The following PRMT5 variants were observed in gnomAD, a reference collection of about 807,000 sequenced individuals.
The protein encoded by PRMT5 is protein arginine methyltransferase 5, also known as protein arginine N-methyltransferase 5.
In PRMT5, 15 loss-of-function variants were observed where a neutral mutation model predicts 84.0. That is an observed-to-expected ratio of 0.18 (90% confidence interval 0.12 to 0.28). The LOEUF (loss-of-function observed/expected upper bound fraction) is 0.28, where lower values mean the gene tolerates loss of function less well. Among genes scored for constraint, PRMT5 ranks in the 10% least tolerant of loss-of-function variants. The pLI, the probability that PRMT5 is intolerant of heterozygous loss-of-function variation, is 1.00. For synonymous variants in PRMT5, 276 were observed against 292.4 expected (o/e 0.94, Z 0.57); for missense variants, 486 against 808.0 (o/e 0.60, Z 4.83).
In PRMT5 at chr14:22,929,332, A is replaced by C; in HGVS notation, c.30T>G (p.Gly10=). 6.2e-7 allele frequency: 1 copy of C among 1,611,198 alleles called. No individual in the cohort carries two copies. The highest frequency in any genetic ancestry group is 8.5e-7 in the Non-Finnish European group (1 of 1,179,298). MAAMAVGGA[G]GSRVSSGRDL... Reference sequence around the variant, plus strand: ...CCCTCCCGCTGGACACGCGGCTCCCACCAGCACCCCCGACCGCCATCGCCG... The same window carrying C: ...CCCTCCCGCTGGACACGCGGCTCCCCCCAGCACCCCCGACCGCCATCGCCG... Residue 10 remains glycine, a synonymous_variant, in exon 1 of 17, where the codon GGT becomes GGG. Coordinates refer to ENST00000324366, the MANE Select transcript of PRMT5 (RefSeq NM_006109.5).
chr14:22,926,069 C>A, intron 7 of PRMT5, 64 bp downstream of exon 7: 2 of 1,465,318 alleles, frequency 1.4e-6, no homozygotes, highest in South Asian at 2.5e-5. Flanking sequence ...AAAAAACGAT[C>A]ATACACAGGT....
chr14:22,928,201 C>G lies in PRMT5; in HGVS notation c.240G>C (p.Thr80=), dbSNP rs747681208. The stretch of plus-strand genomic sequence containing the variant: ...ATGGAGAAAGCTTTCCCACAATTAG[C>G]GTATTCCAGTCTGCACTCCCCCACC... ...DLLLSGRDWN[T]LIVGKLSPWI... is the part of the protein sequence containing the mutation. Residue 80 remains threonine (T), a synonymous_variant, in exon 3 of 17, where the codon ACG becomes ACC. Coordinates refer to ENST00000324366, the MANE Select transcript of PRMT5 (RefSeq NM_006109.5). The surrounding 1 kb of genome is among the most constrained non-coding windows in gnomAD (Gnocchi z 4.8). The G allele has an allele frequency of 1.2e-6, 2 of 1,613,932 alleles. No individual in the cohort carries two copies. The highest frequency in any genetic ancestry group is 2.7e-5 in the African/African-American group (2 of 74,870).
chr14:22,926,385 G>A, intron 6 of PRMT5, 89 bp from the exon 7 acceptor site: 1 of 1,591,084 alleles, frequency 6.3e-7, no homozygotes, highest in Non-Finnish European at 8.6e-7. Flanking sequence ...ACTTCTTTAA[G>A]AGAAAGCCAG....
intron 7 of PRMT5, 126 bp from the exon 8 acceptor site, chr14:22,925,166 T>C: frequency 4.9e-6 from 4 of 821,970 alleles, no homozygotes; most frequent in Non-Finnish European, 6.9e-6. Flanking sequence ...TTTTTTTTTT[T>C]AAAAAAAAAG....
In PRMT5 at chr14:22,922,485, C is replaced by A. The variant is rs1370641627; in HGVS notation, c.1654G>T (p.Ala552Ser). 4 of 1,614,024 alleles carry A rather than the reference C, an allele frequency of 2.5e-6. No individual in the cohort carries two copies. The highest frequency in any genetic ancestry group is 3.4e-6 in the Non-Finnish European group (4 of 1,180,012). The part of the protein sequence containing the change: ...VEVNTVLHGF[A>S]GYFETVLYQD... The stretch of plus-strand genomic sequence containing the variant: ...TAAAGCACAGTCTCAAAGTAGCCGG[C>A]AAAGCCATGTAGTACTGTGTTCACC... Residue 552 changes from alanine to serine, a missense_variant, in exon 15 of 17, where the codon GCC becomes TCC. Ala to Ser is a moderately conservative substitution (Grantham distance 99). Transcript: ENST00000324366.
chr14:22,923,292 C>A lies in PRMT5; in HGVS notation c.1376-132G>T. 1 of 618,048 alleles carries A rather than the reference C, an allele frequency of 1.6e-6. No individual in the cohort carries two copies. Among genetic ancestry groups the A allele is most frequent in the Non-Finnish European group, 2.8e-6 (1 of 358,020 alleles). 38.3% of individuals were successfully genotyped at this position (618,048 alleles called of 1,614,324 possible). ...TTGGCATGGGCATGGAAGAAAGAGACAAATGCATGTTGTCACATTACTAAG... is the reference window on the plus strand; with the variant it reads ...TTGGCATGGGCATGGAAGAAAGAGAAAAATGCATGTTGTCACATTACTAAG... On this transcript the variant is annotated intron_variant, in intron 12 of 16. Coordinates refer to ENST00000324366, the MANE Select transcript of PRMT5 (RefSeq NM_006109.5). The surrounding 1 kb of genome is among the most constrained non-coding windows in gnomAD (Gnocchi z 5.2).
In PRMT5 at chr14:22,923,858, G is replaced by T. The variant is rs2044358466; in HGVS notation, c.1375+150C>A. 4.6e-6 allele frequency: 4 copies of T among 870,850 alleles called. No individual in the cohort carries two copies. The highest frequency in any genetic ancestry group is 2.0e-5 in the South Asian group (1 of 50,102). The allele number at this position is 870,850 out of a possible 1,614,324, so 53.9% of individuals were successfully genotyped here. A position where few individuals can be genotyped will look rare whatever the true frequency, so the allele number is the denominator to read the frequency against. ...AAGGTTTGGAGAGATGACTTCATTTGCTAGGGGCACAGAGGCAGTGAAGCA... is the reference window on the plus strand; with the variant it reads ...AAGGTTTGGAGAGATGACTTCATTTTCTAGGGGCACAGAGGCAGTGAAGCA... On this transcript the variant is annotated intron_variant, in intron 12 of 16. Transcript: ENST00000324366. This position sits in a 1 kb window ranked among gnomAD's most constrained non-coding sequence, Gnocchi z 5.2.
At chr14:22,922,654 G>A (rs1017050022) in intron 14 of PRMT5, 88 bp downstream of exon 14, 4 of 1,514,114 alleles carry the variant, frequency 2.6e-6, no homozygotes, top group Non-Finnish European at 3.7e-6. Flanking sequence ...GAGTAGATAA[G>A]GCAGACTAGG....
At chr14:22,925,718 G>T (rs2044404771) in intron 7 of PRMT5, among the ~76,000 whole-genome samples, 1 of 152,040 alleles carries the variant, frequency 6.6e-6, no homozygotes, top group African/African-American at 2.4e-5. Flanking sequence ...TACTCAGGAG[G>T]CTAAAGCAGA....
rs1353996547 is a variant in PRMT5, at chr14:22,920,735, C to A, written c.*169G>T. The A allele has an allele frequency of 3.0e-6, 3 of 999,904 alleles. No homozygotes were observed. The highest frequency in any genetic ancestry group is 3.1e-6 in the Non-Finnish European group (2 of 639,616). 61.9% of individuals were successfully genotyped at this position (999,904 alleles called of 1,614,324 possible). ...TCATAGATTGGTGGCTTGAGCCCTG[C>A]AATTAATTATAATCCCTTGCCCACC... On this transcript the variant is annotated 3_prime_UTR_variant, in exon 17 of 17. Coordinates refer to ENST00000324366, the MANE Select transcript of PRMT5 (RefSeq NM_006109.5).
intron 7 of PRMT5, among the ~76,000 whole-genome samples, chr14:22,925,437 G>C (rs149173301): frequency 6.6e-6 from 1 of 151,840 alleles, no homozygotes; most frequent in African/African-American, 2.4e-5. Flanking sequence ...GATTACAGGC[G>C]CGAGCCACTG....
At chr14:22,922,673 G>T in intron 14 of PRMT5, 69 bp downstream of exon 14, 1 of 1,538,408 alleles carries the variant, frequency 6.5e-7, no homozygotes, top group South Asian at 1.1e-5. Flanking sequence ...GGGACAGTAA[G>T]GGAAGAAAGC....
rs141889603 is a variant in PRMT5, at chr14:22,920,564, C to G, written c.*340G>C. On this transcript the variant is annotated 3_prime_UTR_variant, in exon 17 of 17. Transcript: ENST00000324366. Reference sequence around the variant, plus strand: ...GGCTATAACTTTATTTGTATTTCCTCTTACACAAAACCATCAAAACAAGAA... The same window carrying G: ...GGCTATAACTTTATTTGTATTTCCTGTTACACAAAACCATCAAAACAAGAA... 1.2e-5 allele frequency: 6 copies of G among 493,874 alleles called. No homozygotes were observed. Among genetic ancestry groups the G allele is most frequent in the Non-Finnish European group, 2.4e-5 (6 of 247,068 alleles). The allele number at this position is 493,874 out of a possible 1,614,324, so 30.6% of individuals were successfully genotyped here. A position where few individuals can be genotyped will look rare whatever the true frequency, so the allele number is the denominator to read the frequency against.
In PRMT5 at chr14:22,923,042, G is replaced by A. The variant is rs775316797; in HGVS notation, c.1485+9C>T. 1.9e-6 allele frequency: 3 copies of A among 1,591,216 alleles called. No homozygotes were observed. The highest frequency in any genetic ancestry group is 1.1e-5 in the South Asian group (1 of 90,034). ...GTACCACTTCTTTCCAGAGAGAGTGGTTCTTTACCTCAGGGTCACGGTCCT... is the reference window on the plus strand; with the variant it reads ...GTACCACTTCTTTCCAGAGAGAGTGATTCTTTACCTCAGGGTCACGGTCCT... On this transcript the variant is annotated intron_variant, in intron 13 of 16. Transcript: ENST00000324366. This position sits in a 1 kb window ranked among gnomAD's most constrained non-coding sequence, Gnocchi z 5.2.
At position 22,920,921 on chromosome 14, in the gene PRMT5, A is replaced by G; in HGVS notation, c.1897T>C (p.Tyr633His). ...ACGCAGGGCTAGAGGCCAATGGTAT[A>G]TGAGCGGCCTGTGGGGTTATGAATA... ...SAIHNPTGRS[Y>H]TIGL The change falls in exon 17 of 17, where the codon TAT (tyrosine) becomes CAT (histidine). Residue 633 changes from tyrosine to histidine, a missense_variant. Tyr to His is a moderately conservative substitution (Grantham distance 83, BLOSUM62 2). Transcript: ENST00000324366. 2 of 1,614,244 alleles carry G rather than the reference A, an allele frequency of 1.2e-6. No individual in the cohort carries two copies. Among genetic ancestry groups the G allele is most frequent in the Non-Finnish European group, 1.7e-6 (2 of 1,180,042 alleles).
At position 22,926,566 on chromosome 14, in the gene PRMT5, A is replaced by G. The variant is rs529946171; in HGVS notation, c.564-11T>C. The G allele has an allele frequency of 3.3e-5, 53 of 1,614,152 alleles. No homozygotes were observed. The highest frequency in any genetic ancestry group is 3.2e-4 in the South Asian group (29 of 91,082). ...CGGAAGTTGTGCCACCTGTTCAGTCAAATACAGAAAAGTACAGTAAACTAG... is the reference window on the plus strand; with the variant it reads ...CGGAAGTTGTGCCACCTGTTCAGTCGAATACAGAAAAGTACAGTAAACTAG... On this transcript the variant is annotated splice_polypyrimidine_tract_variant and intron_variant, in intron 5 of 16. Transcript: ENST00000324366.
rs2044485757 is a variant in PRMT5, at chr14:22,928,937, C to A, written c.110+315G>T. 1 of 615,924 alleles carries A rather than the reference C, an allele frequency of 1.6e-6. No individual in the cohort carries two copies. Among genetic ancestry groups the A allele is most frequent in the East Asian group, 2.8e-5 (1 of 36,126 alleles). The allele number at this position is 615,924 out of a possible 1,614,324, so 38.2% of individuals were successfully genotyped here. ...TGCCCCAGTTCTGCCCATGCCTCCCCCGTCAAAATTAGCCTCTTCTCTCCC... is the reference window on the plus strand; with the variant it reads ...TGCCCCAGTTCTGCCCATGCCTCCCACGTCAAAATTAGCCTCTTCTCTCCC... On this transcript the variant is annotated intron_variant, in intron 1 of 16. Coordinates refer to ENST00000324366, the MANE Select transcript of PRMT5 (RefSeq NM_006109.5). This position sits in a 1 kb window ranked among gnomAD's most constrained non-coding sequence, Gnocchi z 4.8.
At chr14:22,925,217 G>A (rs982244772) in intron 7 of PRMT5, among the ~76,000 whole-genome samples, 177 bp from the exon 8 acceptor site, 9 of 150,934 alleles carry the variant, frequency 6.0e-5, no homozygotes, top group South Asian at 2.1e-4. Flanking sequence ...GTGCAATGGC[G>A]TGATCTTGGC....
In PRMT5 at chr14:22,922,444, C is replaced by CA. The variant is rs2044321802; in HGVS notation, c.1694dup (p.Ser566GlufsTer22). The CA allele has an allele frequency of 6.2e-7, 1 of 1,606,412 alleles. No individual in the cohort carries two copies. The highest frequency in any genetic ancestry group is 8.5e-7 in the Non-Finnish European group (1 of 1,173,086). On this transcript the variant is annotated frameshift_variant and splice_region_variant, in exon 15 of 17. Coordinates refer to ENST00000324366, the MANE Select transcript of PRMT5 (RefSeq NM_006109.5). LOFTEE classifies it high-confidence loss of function. ...CCATCTACTGCCATAGACACTCACT[C>CA]AGAGTGATGTCCTGATAAAGCACAG...
Sources: allele counts gnomAD v4.1 joint callset (sites outside exome capture counted in the v4.1 genomes callset), GRCh38; gene constraint gnomAD v4.1.1; non-coding constraint Gnocchi (gnomAD v3.1); transcripts MANE v1.5; gene names NCBI Gene and HGNC (gene_info 2026-07-23, HGNC 2026-07-21).